The following ACP1 variants were observed in gnomAD, a reference collection of about 807,000 sequenced individuals.
ACP1 encodes low molecular weight phosphotyrosine protein phosphatase.
In ACP1, 23 loss-of-function variants were observed where a neutral mutation model predicts 23.4. The observed-to-expected ratio is 0.98, with a 90% CI of 0.71 to 1.39. The LOEUF (loss-of-function observed/expected upper bound fraction) is 1.39. Among genes scored for constraint, ACP1 ranks in the 40% most tolerant of loss-of-function variants. The pLI is 0.00. For synonymous variants in ACP1, 72 were observed against 67.2 expected (o/e 1.07, Z -0.35); for missense variants, 180 against 197.7 (o/e 0.91, Z 0.54).
At chr2:272,216 T>C in intron 3 of ACP1, 66 bp downstream of exon 3, 1 of 1,614,206 alleles carries the variant, frequency 6.2e-7, no homozygotes, top group Non-Finnish European at 8.5e-7. Flanking sequence ...CGGTGCTGTT[T>C]CTGACTGGAA....
intron 1 of ACP1, among the ~76,000 whole-genome samples, chr2:269,740 A>G (rs1353676775): frequency 6.6e-6 from 1 of 151,456 alleles, no homozygotes; most frequent in Non-Finnish European, 1.5e-5. Context: ...TAGAAAGATC[A>G]CTCTCTCCCT....
At chr2:267,375 T>C (rs1669919224) in intron 1 of ACP1, among the ~76,000 whole-genome samples, 1 of 152,118 alleles carries the variant, frequency 6.6e-6, no homozygotes, top group African/African-American at 2.4e-5. Flanking sequence ...TCGGTTGATG[T>C]GAAGATTAAG....
chr2:268,191 G>T (rs56321614), intron 1 of ACP1, among the ~76,000 whole-genome samples: 47,014 of 152,106 alleles, frequency 0.31, 7,441 homozygotes, highest in Non-Finnish European at 0.35. Flanking sequence ...GTTTTGAGAT[G>T]AAACTGGAGG....
At position 275,170 on chromosome 2, in the gene ACP1, T is replaced by G. The variant is rs1197158011; in HGVS notation, c.262T>G (p.Tyr88Asp). ...ITKEDFATFD[Y>D]ILCMDESNLR... ...CAAAGAAGATTTTGCCACATTTGATTATATACTATGTATGGATGAAAGCAA... is the reference window on the plus strand; with the variant it reads ...CAAAGAAGATTTTGCCACATTTGATGATATACTATGTATGGATGAAAGCAA... Residue 88 changes from tyrosine (Y) to aspartate (D), a missense_variant, in exon 4 of 6, where the codon TAT becomes GAT. Tyr to Asp is a radical substitution (Grantham distance 160). This residue lies in a region of ACP1 where 132 missense variants were observed against 124.1 expected (regional missense o/e 1.06). Transcript: ENST00000272065. 2 of 1,546,134 alleles carry G rather than the reference T, an allele frequency of 1.3e-6. No homozygotes were observed. Among genetic ancestry groups the G allele is most frequent in the Non-Finnish European group, 1.8e-6 (2 of 1,129,562 alleles).
chr2:272,151 G>GT lies in ACP1; in HGVS notation c.231+2dup, dbSNP rs775693063. ...TCCCATGAGCCACGTTGCCCGGCAG[G>GT]TACCGTCCTTGGACTTGAAGTTGTG... On this transcript the variant is annotated splice_donor_variant, in intron 3 of 5. Transcript: ENST00000272065. LOFTEE classifies it high-confidence loss of function. The GT allele has an allele frequency of 6.2e-7, 1 of 1,614,226 alleles. No homozygotes were observed. The highest frequency in any genetic ancestry group is 1.1e-5 in the South Asian group (1 of 91,086).
At chr2:276,905 G>A (rs2103076857) in intron 4 of ACP1, 75 bp from the exon 5 acceptor site, 1 of 872,058 alleles carries the variant, frequency 1.1e-6, no homozygotes, top group Non-Finnish European at 1.8e-6. Context: ...GGATGTTTCA[G>A]AACACCCTAG....
At chr2:266,640 C>G (rs2103070196) in intron 1 of ACP1, among the ~76,000 whole-genome samples, 1 of 152,322 alleles carries the variant, frequency 6.6e-6, no homozygotes, top group African/African-American at 2.4e-5. Context: ...AAATGTAATA[C>G]CGTTGCCACC....
intron 1 of ACP1, among the ~76,000 whole-genome samples, chr2:270,400 G>T (rs1282385438): frequency 6.6e-6 from 1 of 152,120 alleles, no homozygotes; most frequent in African/African-American, 2.4e-5. Context: ...CACCTGCTTA[G>T]TGCCACAATC....
Position 272,124 on chromosome 2 carries a change from A to G in ACP1, c.205A>G (p.Ile69Val), listed in dbSNP as rs747391805. The G allele has an allele frequency of 8.1e-6, 13 of 1,614,084 alleles. No homozygotes were observed. The highest frequency in any genetic ancestry group is 8.0e-5 in the African/African-American group (6 of 74,936). Residue 69 changes from isoleucine to valine, a missense_variant, in exon 3 of 6, where the codon ATT (isoleucine) becomes GTT (valine). Transcript: ENST00000272065. The part of the protein sequence containing the change: ...RGQSCMKRHG[I>V]PMSHVARQIT... Reference sequence around the variant, plus strand: ...GCAGAGCTGCATGAAGAGGCACGGCATTCCCATGAGCCACGTTGCCCGGCA... The same window carrying G: ...GCAGAGCTGCATGAAGAGGCACGGCGTTCCCATGAGCCACGTTGCCCGGCA...
At chr2:266,065 A>G (rs1348889729) in intron 1 of ACP1, among the ~76,000 whole-genome samples, 2 of 152,202 alleles carry the variant, frequency 1.3e-5, no homozygotes, top group Admixed American at 1.3e-4. Context: ...GTAATATAGT[A>G]AAAGATGTAA....
At position 277,654 on chromosome 2, in the gene ACP1, G is replaced by A; in HGVS notation, c.*350G>A. ...CAACATCTAAGCCTGTTGAGACTTA[G>A]ATAATCGAGTCTACCTCTTCAGTAG... On this transcript the variant is annotated 3_prime_UTR_variant, in exon 6 of 6. Coordinates refer to ENST00000272065, the MANE Select transcript of ACP1 (RefSeq NM_004300.4). 3.4e-6 allele frequency: 1 copy of A among 293,408 alleles called. No individual in the cohort carries two copies. The highest frequency in any genetic ancestry group is 6.6e-6 in the Non-Finnish European group (1 of 151,506). The allele number at this position is 293,408 out of a possible 1,614,324, so 18.2% of individuals were successfully genotyped here. A position where few individuals can be genotyped will look rare whatever the true frequency, so the allele number is the denominator to read the frequency against.
At position 277,651 on chromosome 2, in the gene ACP1, TTAGA is replaced by T. The variant is rs1181663651; in HGVS notation, c.*350_*353del. ...GGTCAACATCTAAGCCTGTTGAGAC[TTAGA>T]TAATCGAGTCTACCTCTTCAGTAGG... On this transcript the variant is annotated 3_prime_UTR_variant, in exon 6 of 6. Coordinates refer to ENST00000272065, the MANE Select transcript of ACP1 (RefSeq NM_004300.4). The T allele has an allele frequency of 2.0e-5, 6 of 296,294 alleles. No homozygotes were observed. In the East Asian group the frequency reaches 3.7e-4, roughly 18 times the overall value. 18.4% of individuals were successfully genotyped at this position (296,294 alleles called of 1,614,324 possible). A position where few individuals can be genotyped will look rare whatever the true frequency, so the allele number is the denominator to read the frequency against.
intron 4 of ACP1, chr2:275,658 A>T (rs1421605722): frequency 6.5e-6 from 1 of 154,580 alleles, no homozygotes; most frequent in African/African-American, 2.4e-5. Context: ...GAGTTCACAC[A>T]GCTAGCATGT....
chr2:268,479 A>G (rs1669947786), intron 1 of ACP1, among the ~76,000 whole-genome samples: 2 of 152,222 alleles, frequency 1.3e-5, no homozygotes, highest in Non-Finnish European at 2.9e-5. Context: ...TTATTAGTGA[A>G]GATGATGCAG....
At position 277,353 on chromosome 2, in the gene ACP1, G is replaced by A; in HGVS notation, c.*49G>A. On this transcript the variant is annotated 3_prime_UTR_variant, in exon 6 of 6. Coordinates refer to ENST00000272065, the MANE Select transcript of ACP1 (RefSeq NM_004300.4). ...CCAGCCTGACTAGACCCCACCCTGA[G>A]GTCCTGCATTTCTCAGTCGGTGTGT... 1 of 1,536,124 alleles carries A rather than the reference G, an allele frequency of 6.5e-7. No homozygotes were observed. Among genetic ancestry groups the A allele is most frequent in the Non-Finnish European group, 9.0e-7 (1 of 1,110,726 alleles).
At position 277,432 on chromosome 2, in the gene ACP1, C is replaced by G. The variant is rs961284736; in HGVS notation, c.*128C>G. 1.3e-6 allele frequency: 1 copy of G among 789,768 alleles called. No individual in the cohort carries two copies. Among genetic ancestry groups the G allele is most frequent in the African/African-American group, 1.7e-5 (1 of 57,920 alleles). 48.9% of individuals were successfully genotyped at this position (789,768 alleles called of 1,614,324 possible). On this transcript the variant is annotated 3_prime_UTR_variant, in exon 6 of 6. Transcript: ENST00000272065. ...TCTTTGTTCAGTTGACTTACTGTTT[C>G]TTACCTTAAAAAGTAATTGTAGATG... is the stretch of plus-strand genomic sequence containing the variant.
chr2:272,601 A>G (rs1357658049), intron 3 of ACP1: 9 of 745,996 alleles, frequency 1.2e-5, no homozygotes, highest in Non-Finnish European at 1.2e-5. Flanking sequence ...AATTTTTATT[A>G]AACATTTAGG....
At chr2:270,294 G>A (rs959985769) in intron 1 of ACP1, among the ~76,000 whole-genome samples, 1 of 152,078 alleles carries the variant, frequency 6.6e-6, no homozygotes, top group South Asian at 2.1e-4. Context: ...TAGTGGCTAC[G>A]CAAAGTTCAA....
rs1213344412 is a variant in ACP1 at position 277,488 on chromosome 2, T to TA, written c.*189dup. On this transcript the variant is annotated 3_prime_UTR_variant, in exon 6 of 6. Transcript: ENST00000272065. ...CAGTTGTGTTTGGCAGGAGAATCAATAAAAATCTTTGATTCAGACAGCTTA... is the reference window on the plus strand; with the variant it reads ...CAGTTGTGTTTGGCAGGAGAATCAATAAAAAATCTTTGATTCAGACAGCTTA... 1 of 615,478 alleles carries TA rather than the reference T, an allele frequency of 1.6e-6. No homozygotes were observed. Among genetic ancestry groups the TA allele is most frequent in the East Asian group, 2.8e-5 (1 of 36,158 alleles). 38.1% of individuals were successfully genotyped at this position (615,478 alleles called of 1,614,324 possible).
Sources: gnomAD v4.1 joint callset for allele counts (sites outside exome capture counted in the v4.1 genomes callset) on GRCh38, gnomAD v4.1.1 for gene constraint, gnomAD v4.1.1 regional missense constraint, MANE v1.5 for transcripts, NCBI Gene and HGNC (gene_info 2026-07-23, HGNC 2026-07-21) for gene names.